ARMC9: variants seen among roughly 807,000 people sequenced by gnomAD.
ARMC9 encodes the protein armadillo repeat containing 9, also known as lisH domain-containing protein ARMC9.
ARMC9 carries 94 observed loss-of-function variants against 107.0 expected under a neutral mutation model. The ratio of observed to expected loss-of-function variants is 0.88; its 90% CI spans 0.74 to 1.04. The LOEUF is 1.04. Ranked by LOEUF, ARMC9 falls within the 50% of genes least tolerant of loss-of-function variation. ARMC9 has a pLI of 0.00. For synonymous variants in ARMC9, 380 were observed against 396.9 expected, an observed-to-expected ratio of 0.96 and a Z score of 0.51; for missense variants, 942 against 1,030.1, an observed-to-expected ratio of 0.91 and a Z score of 1.17.
Position 231,362,892 on chromosome 2 carries a change from G to A in ARMC9, c.2261+2009G>A, listed in dbSNP as rs1012070350. On this transcript the variant is annotated intron_variant, in intron 23 of 24. Coordinates refer to ENST00000611582, the MANE Select transcript of ARMC9 (RefSeq NM_001352754.2). The surrounding 1 kb of genome is among the most constrained non-coding windows in gnomAD (Gnocchi z 4.7). ...TGCCTGACCCCAAAGTGCGGGTCAC[G>A]CCCTTCTGCCAGGCTCACAGAAGCC... The A allele has an allele frequency of 1.9e-5, 3 of 154,168 alleles. No individual in the cohort carries two copies. Among genetic ancestry groups the A allele is most frequent in the Non-Finnish European group, 2.9e-5 (2 of 68,192 alleles). 9.6% of individuals were successfully genotyped at this position (154,168 alleles called of 1,614,324 possible).
At chr2:231,214,117 A>T (rs963863147) in intron 3 of ARMC9, among the ~76,000 whole-genome samples, 1 of 152,218 alleles carries the variant, frequency 6.6e-6, no homozygotes, top group Admixed American at 6.5e-5. Flanking sequence ...GTGCATGCTG[A>T]ATCATGATGC....
At chr2:231,283,421 C>T (rs2040360800) in intron 17 of ARMC9, among the ~76,000 whole-genome samples, 1 of 152,090 alleles carries the variant, frequency 6.6e-6, no homozygotes, top group Admixed American at 6.6e-5. Context: ...AGCTTAGTGG[C>T]TTAAACAAGT....
At chr2:231,256,323 G>A (rs1336383245) in intron 9 of ARMC9, 3 of 1,547,688 alleles carry the variant, frequency 1.9e-6, no homozygotes, top group Non-Finnish European at 2.6e-6. Context: ...TTGCTCGCTG[G>A]GTCTTGGATG....
At chr2:231,287,572 CG>C (rs2040688764) in intron 17 of ARMC9, among the ~76,000 whole-genome samples, 2 of 152,052 alleles carry the variant, frequency 1.3e-5, no homozygotes, top group Non-Finnish European at 2.9e-5. Context: ...TTCCTTTCGA[CG>C]GGGTCTCACT....
intron 20 of ARMC9, among the ~76,000 whole-genome samples, chr2:231,343,565 A>G (rs765536817): frequency 2.0e-5 from 3 of 152,134 alleles, no homozygotes; most frequent in Non-Finnish European, 4.4e-5. Context: ...GGAAGCTGAC[A>G]TTGGTATCAT....
chr2:231,286,030 A>G (rs898646983), intron 17 of ARMC9, among the ~76,000 whole-genome samples: 1 of 152,160 alleles, frequency 6.6e-6, no homozygotes, highest in Non-Finnish European at 1.5e-5. Flanking sequence ...GTTTCCCACA[A>G]TTCCTCCACC....
chr2:231,232,842 T>G (rs532938290), intron 7 of ARMC9, among the ~76,000 whole-genome samples: 4 of 152,144 alleles, frequency 2.6e-5, no homozygotes, highest in East Asian at 1.9e-4. Flanking sequence ...ATATTTTGGG[T>G]TTTTAATTAT....
chr2:231,231,860 T>C (rs2035255240), intron 7 of ARMC9, among the ~76,000 whole-genome samples: 1 of 151,736 alleles, frequency 6.6e-6, no homozygotes, highest in Admixed American at 6.6e-5. Flanking sequence ...TGCTAATTTT[T>C]GTATGTTTAG....
chr2:231,270,764 T>C, intron 12 of ARMC9: 1 of 672,482 alleles, frequency 1.5e-6, no homozygotes, highest in Non-Finnish European at 2.8e-6. Flanking sequence ...GTGTAATTAA[T>C]TCATTTAATT....
At chr2:231,202,963 C>T (rs916390575) in intron 1 of ARMC9, among the ~76,000 whole-genome samples, 5 of 152,164 alleles carry the variant, frequency 3.3e-5, no homozygotes, top group African/African-American at 1.2e-4. Flanking sequence ...AACTCTCCCT[C>T]CCAGATAAGC....
At chr2:231,237,484 T>G (rs1414707778) in intron 8 of ARMC9, among the ~76,000 whole-genome samples, 1 of 151,994 alleles carries the variant, frequency 6.6e-6, no homozygotes. Flanking sequence ...GATAAAATTC[T>G]AAAAGTGGAA....
At chr2:231,317,853 T>TATTTTTCTGTTGAGATTTCCC (rs1461559901) in intron 19 of ARMC9, among the ~76,000 whole-genome samples, 1 of 152,206 alleles carries the variant, frequency 6.6e-6, no homozygotes, top group African/African-American at 2.4e-5. Context: ...TTATAGTGTC[T>TATTTTTCTGTTGAGATTTCCC]ATTTTTCTGT....
At chr2:231,247,668 C>T (rs755519104) in intron 9 of ARMC9, among the ~76,000 whole-genome samples, 2 of 152,178 alleles carry the variant, frequency 1.3e-5, no homozygotes, top group Non-Finnish European at 2.9e-5. Context: ...CAGTGGCTCA[C>T]GCCTGTAATC....
At chr2:231,291,553 C>T (rs913262376) in intron 18 of ARMC9, 110 bp downstream of exon 18, 20 of 1,092,998 alleles carry the variant, frequency 1.8e-5, no homozygotes, top group African/African-American at 9.4e-5. Flanking sequence ...CACGGTGGCT[C>T]GTGCTTATAA....
chr2:231,331,244 T>C (rs905232483), intron 19 of ARMC9, among the ~76,000 whole-genome samples: 3 of 152,220 alleles, frequency 2.0e-5, no homozygotes, highest in African/African-American at 7.2e-5. Context: ...AGTCACTTTA[T>C]GTTTCTTTTA....
At chr2:231,332,946 AAC>A (rs1391270802) in intron 20 of ARMC9, among the ~76,000 whole-genome samples, 1 of 152,208 alleles carries the variant, frequency 6.6e-6, no homozygotes, top group African/African-American at 2.4e-5. Context: ...CCAGCGTCTC[AAC>A]AGTTGACTGG....
At chr2:231,319,345 A>G (rs2042876761) in intron 19 of ARMC9, among the ~76,000 whole-genome samples, 1 of 152,122 alleles carries the variant, frequency 6.6e-6, no homozygotes, top group Non-Finnish European at 1.5e-5. Context: ...TCCTAGGATC[A>G]GGAGCCCTGT....
intron 19 of ARMC9, among the ~76,000 whole-genome samples, chr2:231,309,477 C>G (rs1220524004): frequency 6.6e-6 from 1 of 152,066 alleles, no homozygotes; most frequent in Admixed American, 6.5e-5. Flanking sequence ...TAAATGCATT[C>G]TACATTATTT....
intron 12 of ARMC9, among the ~76,000 whole-genome samples, chr2:231,268,693 G>T (rs2039055864): frequency 6.6e-6 from 1 of 152,114 alleles, no homozygotes; most frequent in Admixed American, 6.6e-5. Flanking sequence ...TAGAATCCTG[G>T]ATTGTAAATA....
Sources: gnomAD v4.1 joint callset for allele counts (sites outside exome capture counted in the v4.1 genomes callset) on GRCh38, gnomAD v4.1.1 for gene constraint, Gnocchi (gnomAD v3.1) non-coding constraint, MANE v1.5 for transcripts, NCBI Gene and HGNC (gene_info 2026-07-23, HGNC 2026-07-21) for gene names.